KIF16B: variants seen among roughly 807,000 people sequenced by gnomAD.
The protein encoded by KIF16B is kinesin-like protein KIF16B.
KIF16B carries 98 observed loss-of-function variants against 156.3 expected under a neutral mutation model. The observed-to-expected ratio is 0.63, with a 90% CI of 0.53 to 0.74. The LOEUF is 0.74. Among genes scored for constraint, KIF16B ranks in the 30% least tolerant of loss-of-function variants. KIF16B has a pLI of 0.00. For missense variants in KIF16B, 1,421 were observed against 1,606.5 expected (o/e 0.88, Z 1.97); for synonymous variants, 564 against 583.7 (o/e 0.97, Z 0.49).
Position 16,272,741 on chromosome 20 carries a change from G to A in KIF16B, c.*512C>T, listed in dbSNP as rs1327658381. On this transcript the variant is annotated 3_prime_UTR_variant, in exon 26 of 26. Transcript: ENST00000354981. Reference sequence around the variant, plus strand: ...TATATAAAAGTTCTGATTCAAATGAGGGAAAAAAAGAAAAAAATACAATGA... The same window carrying A: ...TATATAAAAGTTCTGATTCAAATGAAGGAAAAAAAGAAAAAAATACAATGA... 1 of 152,298 alleles carries A rather than the reference G, an allele frequency of 6.6e-6. No individual in the cohort carries two copies. Among genetic ancestry groups the A allele is most frequent in the Non-Finnish European group, 1.5e-5 (1 of 68,096 alleles). The allele number at this position is 152,298 out of a possible 1,614,324, so 9.4% of individuals were successfully genotyped here. A position where few individuals can be genotyped will look rare whatever the true frequency, so the allele number is the denominator to read the frequency against.
chr20:16,380,179 C>T lies in KIF16B; in HGVS notation c.1839-16G>A. On this transcript the variant is annotated splice_polypyrimidine_tract_variant and intron_variant, in intron 18 of 25. Coordinates refer to ENST00000354981, the MANE Select transcript of KIF16B (RefSeq NM_024704.5). The stretch of plus-strand genomic sequence containing the variant: ...TATGAGTTTCCTGAAATGCAAAGCA[C>T]TGACTGGTTGTTATCTGGTCATTGT... 2.7e-6 allele frequency: 4 copies of T among 1,500,272 alleles called. No homozygotes were observed. Among genetic ancestry groups the T allele is most frequent in the Non-Finnish European group, 3.5e-6 (4 of 1,128,502 alleles). The allele number at this position is 1,500,272 out of a possible 1,614,324, so 92.9% of individuals were successfully genotyped here.
chr20:16,434,453 T>C (rs2066588895), intron 12 of KIF16B, among the ~76,000 whole-genome samples: 1 of 152,206 alleles, frequency 6.6e-6, no homozygotes, highest in African/African-American at 2.4e-5. Context: ...TCAACAACTT[T>C]CTTGAATAGA....
At chr20:16,297,503 T>C (rs1407073315) in intron 25 of KIF16B, among the ~76,000 whole-genome samples, 2 of 152,196 alleles carry the variant, frequency 1.3e-5, no homozygotes, top group Non-Finnish European at 1.5e-5. Context: ...CCATTCTGGC[T>C]GGCTAACACG....
chr20:16,498,281 G>T (rs2068511509), intron 10 of KIF16B, among the ~76,000 whole-genome samples: 1 of 152,116 alleles, frequency 6.6e-6, no homozygotes, highest in South Asian at 2.1e-4. Flanking sequence ...TCAGGCTGGG[G>T]CTTAAACTGC....
intron 1 of KIF16B, among the ~76,000 whole-genome samples, chr20:16,547,064 A>G (rs2070437117): frequency 1.3e-5 from 2 of 152,204 alleles, no homozygotes; most frequent in African/African-American, 2.4e-5. Context: ...GGTGTGAGCC[A>G]CCGCACCCAG....
At chr20:16,549,827 A>G (rs1282626725) in intron 1 of KIF16B, among the ~76,000 whole-genome samples, 1 of 111,576 alleles carries the variant, frequency 9.0e-6, no homozygotes, top group African/African-American at 3.6e-5. Context: ...CCTTCCTTAC[A>G]CCTTATACAA....
intron 15 of KIF16B, among the ~76,000 whole-genome samples, chr20:16,408,098 C>G (rs892902884): frequency 6.6e-6 from 1 of 152,106 alleles, no homozygotes; most frequent in African/African-American, 2.4e-5. Context: ...GGAGCTCAGG[C>G]CAGCATATCC....
intron 12 of KIF16B, among the ~76,000 whole-genome samples, chr20:16,474,438 T>G (rs538121223): frequency 1.3e-5 from 2 of 152,360 alleles, no homozygotes; most frequent in African/African-American, 2.4e-5. Flanking sequence ...ATGCTCAGGA[T>G]AGCCTCCTGC....
chr20:16,555,838 C>T (rs182328406), intron 1 of KIF16B, among the ~76,000 whole-genome samples: 1 of 152,250 alleles, frequency 6.6e-6, no homozygotes, highest in East Asian at 1.9e-4. Context: ...AAATCAAAGA[C>T]AATCAAATCA....
chr20:16,275,127 C>G (rs921911763), intron 25 of KIF16B, among the ~76,000 whole-genome samples: 7 of 150,782 alleles, frequency 4.6e-5, no homozygotes, highest in African/African-American at 1.7e-4. Context: ...GATCTCAGCT[C>G]ACCACAACCT....
At position 16,526,172 on chromosome 20, in the gene KIF16B, C is replaced by T. The variant is rs1469116702; in HGVS notation, c.151G>A (p.Glu51Lys). 1 of 1,606,016 alleles carries T rather than the reference C, an allele frequency of 6.2e-7. No individual in the cohort carries two copies. The highest frequency in any genetic ancestry group is 2.2e-5 in the East Asian group (1 of 44,742). ...TCATAGGTGAAGGTCTTGGTCCGTT[C>T]TCTTCCTGAGTCCCCAGTGCCTCCT... is the stretch of plus-strand genomic sequence containing the variant. ...PEGGTGDSGRERTKTFTYDFS... is the reference protein window; with the variant it reads ...PEGGTGDSGRKRTKTFTYDFS... The change falls in exon 3 of 26, where the codon GAA becomes AAA. Residue 51 changes from glutamate (E) to lysine (K), a missense_variant. Coordinates refer to ENST00000354981, the MANE Select transcript of KIF16B (RefSeq NM_024704.5).
At chr20:16,275,194 C>T (rs1374375516) in intron 25 of KIF16B, among the ~76,000 whole-genome samples, 1 of 152,008 alleles carries the variant, frequency 6.6e-6, no homozygotes, top group East Asian at 1.9e-4. Flanking sequence ...GCTGGGACTA[C>T]AGGCATGTGC....
At chr20:16,429,802 G>C in intron 13 of KIF16B, 61 bp downstream of exon 13, 1 of 1,408,432 alleles carries the variant, frequency 7.1e-7, no homozygotes, top group Non-Finnish European at 9.7e-7. Flanking sequence ...AATAAACCTA[G>C]TTAGTGTCTA....
intron 25 of KIF16B, among the ~76,000 whole-genome samples, chr20:16,293,267 G>C (rs2063338278): frequency 6.6e-6 from 1 of 152,208 alleles, no homozygotes; most frequent in African/African-American, 2.4e-5. Flanking sequence ...TGAGAACAGA[G>C]AGAAGGCCCT....
chr20:16,384,065 A>C (rs1375960461), intron 17 of KIF16B, among the ~76,000 whole-genome samples: 1 of 152,234 alleles, frequency 6.6e-6, no homozygotes, highest in Non-Finnish European at 1.5e-5. Flanking sequence ...ACTTGAATTC[A>C]AGTTTGGTAA....
intron 15 of KIF16B, among the ~76,000 whole-genome samples, chr20:16,421,446 T>C (rs751326233): frequency 6.6e-6 from 1 of 152,178 alleles, no homozygotes. Flanking sequence ...GTCTCATTCA[T>C]GACTCTTTTA....
At chr20:16,444,557 CAAG>C (rs1421135999) in intron 12 of KIF16B, among the ~76,000 whole-genome samples, 2 of 152,108 alleles carry the variant, frequency 1.3e-5, no homozygotes, top group South Asian at 2.1e-4. Context: ...TGGCGCGGGC[CAAG>C]AAGAAGGAAC....
intron 17 of KIF16B, among the ~76,000 whole-genome samples, chr20:16,394,345 T>C (rs2065441107): frequency 6.6e-6 from 1 of 152,212 alleles, no homozygotes; most frequent in African/African-American, 2.4e-5. Flanking sequence ...TGGAATAATA[T>C]TCACGGACAA....
At chr20:16,471,458 A>C (rs1041872165) in intron 12 of KIF16B, among the ~76,000 whole-genome samples, 3 of 152,180 alleles carry the variant, frequency 2.0e-5, no homozygotes, top group Non-Finnish European at 2.9e-5. Flanking sequence ...TGATGGTAAT[A>C]CGTGGTAAAT....
Sources: allele counts gnomAD v4.1 joint callset (sites outside exome capture counted in the v4.1 genomes callset), GRCh38; gene constraint gnomAD v4.1.1; transcripts MANE v1.5; gene names NCBI Gene and HGNC (gene_info 2026-07-23, HGNC 2026-07-21).